UBE3D: variants seen among roughly 807,000 people sequenced by gnomAD.
UBE3D encodes the protein E3 ubiquitin-protein ligase E3D.
A neutral mutation model predicts 49.6 loss-of-function variants in UBE3D; 48 were observed. That is an observed-to-expected ratio of 0.97 (90% CI 0.77 to 1.23). The LOEUF (loss-of-function observed/expected upper bound fraction) is 1.23, where lower values mean the gene tolerates loss of function less well. Ranked by LOEUF, UBE3D falls within the 50% of genes most tolerant of loss-of-function variation. The pLI, the probability that UBE3D is intolerant of heterozygous loss-of-function variation, is 0.00. For synonymous variants in UBE3D, 189 were observed against 174.2 expected (o/e 1.08, Z -0.67); for missense variants, 452 against 468.4 (o/e 0.96, Z 0.32).
At chr6:82,939,679 C>T (rs1774863768) in intron 9 of UBE3D, among the ~76,000 whole-genome samples, 1 of 152,170 alleles carries the variant, frequency 6.6e-6, no homozygotes, top group South Asian at 2.1e-4. Context: ...TGTCCCAGCC[C>T]ATCTAGGTTT....
chr6:83,003,831 T>C (rs776851258), intron 8 of UBE3D, among the ~76,000 whole-genome samples: 14 of 152,188 alleles, frequency 9.2e-5, no homozygotes, highest in Non-Finnish European at 1.5e-4. Context: ...TGACTGTACT[T>C]ACAAGTCTAA....
chr6:82,988,623 T>C (rs1025181289), intron 8 of UBE3D, among the ~76,000 whole-genome samples: 5 of 152,208 alleles, frequency 3.3e-5, no homozygotes, highest in Admixed American at 2.6e-4. Context: ...AGGCTTCAGA[T>C]AGAGCATGTG....
intron 9 of UBE3D, among the ~76,000 whole-genome samples, chr6:82,902,340 C>T (rs779241350): frequency 6.6e-6 from 1 of 152,148 alleles, no homozygotes; most frequent in Non-Finnish European, 1.5e-5. Flanking sequence ...AATCTGTACA[C>T]GAATGTTTAA....
intron 2 of UBE3D, among the ~76,000 whole-genome samples, chr6:83,054,678 G>A (rs957588179): frequency 6.6e-6 from 1 of 151,170 alleles, no homozygotes; most frequent in African/African-American, 2.4e-5. Context: ...TTGAGATGGA[G>A]TCTTGTTCTG....
chr6:83,055,665 T>C (rs1053379528), intron 2 of UBE3D, among the ~76,000 whole-genome samples: 84 of 152,300 alleles, frequency 5.5e-4, no homozygotes, highest in Non-Finnish European at 6.0e-4. Context: ...GCGTGTGCTC[T>C]AATAGATCCT....
In UBE3D at chr6:83,026,343, C is replaced by T. The variant is rs368369437; in HGVS notation, c.668-2305G>A. ...GCATGTGCCTGTAGTTCCAGCTACT[C>T]GGGAGGCTGAGGCAAGAGGACTGTT... On this transcript the variant is annotated intron_variant, in intron 5 of 9. Coordinates refer to ENST00000369747, the MANE Select transcript of UBE3D (RefSeq NM_198920.3). 3.6e-4 allele frequency among the ~76,000 whole-genome samples: 54 copies of T among 152,004 alleles called. 1 individual carries two copies. In the South Asian group the frequency reaches 0.01, roughly 29 times the overall value.
chr6:83,055,938 C>T (rs1476318089), intron 2 of UBE3D, among the ~76,000 whole-genome samples: 1 of 152,168 alleles, frequency 6.6e-6, no homozygotes, highest in African/African-American at 2.4e-5. Context: ...ATATGGAAAG[C>T]ACTCAGGCAA....
chr6:83,050,794 A>G (rs1783421674), intron 3 of UBE3D, among the ~76,000 whole-genome samples: 2 of 147,082 alleles, frequency 1.4e-5, no homozygotes, highest in South Asian at 4.2e-4. Context: ...CCTAAGAGTT[A>G]CAGGTAAGCA....
At chr6:82,942,754 G>C (rs148276098) in intron 9 of UBE3D, among the ~76,000 whole-genome samples, 100 of 152,356 alleles carry the variant, frequency 6.6e-4, no homozygotes, top group African/African-American at 2.4e-3. Flanking sequence ...GTATGGAAAT[G>C]CCTGGATGTC....
At chr6:83,050,529 A>G (rs1388815701) in intron 3 of UBE3D, among the ~76,000 whole-genome samples, 1 of 152,220 alleles carries the variant, frequency 6.6e-6, no homozygotes, top group African/African-American at 2.4e-5. Flanking sequence ...AGATAAATCA[A>G]CATATTCCAA....
chr6:82,931,128 C>T (rs1774116013), intron 9 of UBE3D, among the ~76,000 whole-genome samples: 1 of 152,214 alleles, frequency 6.6e-6, no homozygotes, highest in Admixed American at 6.5e-5. Flanking sequence ...AGGGTGCAAG[C>T]CCCAAGCCTT....
At chr6:82,889,886 CAGA>C (rs1439639736), downstream of UBE3D, among the ~76,000 whole-genome samples, 1 of 151,006 alleles carries the variant, frequency 6.6e-6, no homozygotes, top group Non-Finnish European at 1.5e-5. Flanking sequence ...GAGTGGCCGA[CAGA>C]AGTTTTCAAC....
chr6:82,957,294 AAAG>A lies in UBE3D; in HGVS notation c.1149+15_1149+17del, dbSNP rs765082965. ...TAAAACTGAGAAATCACGGCCTAGA[AAAG>A]AAGCCATTGCTCACCTGAAAGGAAT... is the stretch of plus-strand genomic sequence containing the variant. On this transcript the variant is annotated intron_variant, in intron 9 of 9. Transcript: ENST00000369747. The A allele has an allele frequency of 2.5e-6, 4 of 1,609,840 alleles. No individual in the cohort carries two copies. In the African/African-American group the frequency reaches 4.0e-5, roughly 16 times the overall value.
rs1771050141 is a variant in UBE3D, at chr6:82,893,026, A to C, written c.1166T>G (p.Met389Arg). 1.2e-6 allele frequency: 2 copies of C among 1,613,762 alleles called. No individual in the cohort carries two copies. Among genetic ancestry groups the C allele is most frequent in the East Asian group, 4.5e-5 (2 of 44,864 alleles). ...VNSFQVAFLK[M>R] ...GAGAATGCCCAGCTCTAATAGTTAC[A>C]TCTTCAAAAAGGCCACCTGGAGAAG... The change falls in exon 10 of 10, where the codon ATG (methionine) becomes AGG (arginine). Residue 389 changes from methionine (M) to arginine (R), a missense_variant. Met to Arg is a moderately conservative substitution (Grantham distance 91). Coordinates refer to ENST00000369747, the MANE Select transcript of UBE3D (RefSeq NM_198920.3).
At chr6:83,058,114 C>T (rs1360294798) in intron 1 of UBE3D, 92 bp from the exon 2 acceptor site, 9 of 1,293,576 alleles carry the variant, frequency 7.0e-6, no homozygotes, top group Non-Finnish European at 9.7e-6. Flanking sequence ...TCTCTTTCTT[C>T]CTCTTCAATA....
rs772021240 is a variant in UBE3D, at chr6:82,910,173, C to T, written c.1150-17131G>A. Among the ~76,000 whole-genome samples, 182 of 152,080 alleles carry T rather than the reference C, an allele frequency of 1.2e-3. 4 individuals are homozygous for T. Among genetic ancestry groups the T allele is most frequent in the Non-Finnish European group, 5.6e-4 (38 of 68,008 alleles). ...TAGGGAACCAAATGCCTCTTCCTGACGACACTTTGTGCTTTAGATTTCCCA... is the reference window on the plus strand; with the variant it reads ...TAGGGAACCAAATGCCTCTTCCTGATGACACTTTGTGCTTTAGATTTCCCA... On this transcript the variant is annotated intron_variant, in intron 9 of 9. Transcript: ENST00000369747.
chr6:82,962,110 A>G (rs1776600993), intron 8 of UBE3D, among the ~76,000 whole-genome samples: 1 of 152,144 alleles, frequency 6.6e-6, no homozygotes, highest in Non-Finnish European at 1.5e-5. Context: ...TGAGAAAAAA[A>G]GATTAGGGGG....
At position 83,019,594 on chromosome 6, in the gene UBE3D, G is replaced by A. The variant is rs145410672; in HGVS notation, c.847-458C>T. 7.0e-4 allele frequency among the ~76,000 whole-genome samples: 106 copies of A among 152,302 alleles called. 3 individuals carry two copies. In the East Asian group the frequency reaches 0.016, roughly 23 times the overall value. On this transcript the variant is annotated intron_variant, in intron 7 of 9. Coordinates refer to ENST00000369747, the MANE Select transcript of UBE3D (RefSeq NM_198920.3). Reference sequence around the variant, plus strand: ...TGATAACATCTAGTTCAGAAAAGGGGTTTGAAGTGGGCATTCCAATACACT... The same window carrying A: ...TGATAACATCTAGTTCAGAAAAGGGATTTGAAGTGGGCATTCCAATACACT...
At chr6:82,898,532 A>C (rs1771499651) in intron 9 of UBE3D, among the ~76,000 whole-genome samples, 1 of 152,196 alleles carries the variant, frequency 6.6e-6, no homozygotes, top group Non-Finnish European at 1.5e-5. Flanking sequence ...TTGCAGGGAC[A>C]TGGATGAAGC....
Sources: allele counts gnomAD v4.1 joint callset (sites outside exome capture counted in the v4.1 genomes callset), GRCh38; gene constraint gnomAD v4.1.1; transcripts MANE v1.5; gene names NCBI Gene and HGNC (gene_info 2026-07-23, HGNC 2026-07-21).